Variants in SEZ6L observed in about 807,000 individuals in gnomAD.
SEZ6L encodes the protein seizure 6-like protein.
SEZ6L carries 37 observed loss-of-function variants against 106.2 expected under a neutral mutation model. The observed-to-expected ratio is 0.35, with a 90% CI of 0.27 to 0.46. The LOEUF (loss-of-function observed/expected upper bound fraction) is 0.46. Among genes scored for constraint, SEZ6L ranks in the 20% least tolerant of loss-of-function variants. The pLI is 1.00. For synonymous variants in SEZ6L, 541 were observed against 570.4 expected (o/e 0.95, Z 0.73); for missense variants, 1,172 against 1,332.8 (o/e 0.88, Z 1.88).
intron 1 of SEZ6L, among the ~76,000 whole-genome samples, chr22:26,180,532 C>A (rs1316547928): frequency 6.6e-6 from 1 of 152,116 alleles, no homozygotes; most frequent in African/African-American, 2.4e-5. Flanking sequence ...ACATAGAACA[C>A]AAAAGTCTTT....
chr22:26,301,840 A>G (rs180875009), intron 5 of SEZ6L, among the ~76,000 whole-genome samples: 27 of 152,326 alleles, frequency 1.8e-4, no homozygotes, highest in African/African-American at 6.3e-4. Flanking sequence ...AAATAAGATC[A>G]ATCTGACTAA....
chr22:26,250,643 G>A (rs995027437), intron 1 of SEZ6L, among the ~76,000 whole-genome samples: 41 of 152,192 alleles, frequency 2.7e-4, no homozygotes, highest in African/African-American at 9.4e-4. Flanking sequence ...TTGGCTATTC[G>A]GGATCTTTTG....
At chr22:26,188,885 A>T (rs777966859) in intron 1 of SEZ6L, among the ~76,000 whole-genome samples, 1 of 152,240 alleles carries the variant, frequency 6.6e-6, no homozygotes, top group Non-Finnish European at 1.5e-5. Flanking sequence ...AGCAGTAGTC[A>T]TAATGATGAT....
At chr22:26,352,788 G>A (rs1046939540) in intron 12 of SEZ6L, among the ~76,000 whole-genome samples, 8 of 152,218 alleles carry the variant, frequency 5.3e-5, no homozygotes, top group Non-Finnish European at 1.2e-4. Context: ...AAATGGAGAT[G>A]TCTGTTGCCT....
chr22:26,378,729 G>A (rs1201761058), intron 16 of SEZ6L, among the ~76,000 whole-genome samples: 1 of 152,136 alleles, frequency 6.6e-6, no homozygotes, highest in Non-Finnish European at 1.5e-5. Context: ...GCACATGCGA[G>A]GAAGCAAAAG....
chr22:26,324,184 A>G (rs1487732004), intron 9 of SEZ6L, among the ~76,000 whole-genome samples: 1 of 152,062 alleles, frequency 6.6e-6, no homozygotes, highest in African/African-American at 2.4e-5. Context: ...GAAGAAACTG[A>G]GGCTCAAAGT....
intron 6 of SEZ6L, among the ~76,000 whole-genome samples, chr22:26,308,668 A>G (rs1000394692): frequency 4.1e-4 from 19 of 45,946 alleles, no homozygotes; most frequent in African/African-American, 2.1e-3. Flanking sequence ...TCCTGCAGGG[A>G]AAAAAAAGTT....
intron 1 of SEZ6L, among the ~76,000 whole-genome samples, chr22:26,276,527 C>T (rs890393455): frequency 2.6e-5 from 4 of 152,238 alleles, no homozygotes; most frequent in Non-Finnish European, 5.9e-5. Context: ...AAACTGGATT[C>T]ATTTCCAAGT....
At chr22:26,365,711 CA>C (rs767584458) in intron 13 of SEZ6L, 145 bp downstream of exon 13, 82,013 of 468,220 alleles carry the variant, frequency 0.18, no homozygotes, top group South Asian at 0.24. Flanking sequence ...CCATCTCTAC[CA>C]AAAAAAAAAA....
intron 1 of SEZ6L, among the ~76,000 whole-genome samples, chr22:26,284,046 CTG>C (rs2080854614): frequency 6.6e-6 from 1 of 152,168 alleles, no homozygotes; most frequent in African/African-American, 2.4e-5. Context: ...TGGCAGGCTG[CTG>C]TGTGAGCTCT....
intron 1 of SEZ6L, among the ~76,000 whole-genome samples, chr22:26,236,333 G>A (rs527571270): frequency 3.9e-5 from 6 of 152,256 alleles, no homozygotes; most frequent in African/African-American, 1.2e-4. Context: ...GAGAACTTGG[G>A]TATTATTGAA....
intron 1 of SEZ6L, among the ~76,000 whole-genome samples, chr22:26,220,426 G>C (rs1259833560): frequency 1.3e-5 from 2 of 152,192 alleles, no homozygotes; most frequent in Admixed American, 6.5e-5. Context: ...AGGCAGAGCA[G>C]CTGTTGTGTC....
chr22:26,345,139 C>T (rs1392769535), intron 10 of SEZ6L, among the ~76,000 whole-genome samples: 1 of 152,030 alleles, frequency 6.6e-6, no homozygotes, highest in Non-Finnish European at 1.5e-5. Context: ...AACAAGGGCC[C>T]ATGGGGACGG....
At chr22:26,292,190 G>A (rs2081146738) in intron 1 of SEZ6L, 1 of 496,568 alleles carries the variant, frequency 2.0e-6, no homozygotes, top group Middle Eastern at 4.9e-4. Flanking sequence ...GAAGGAGGGA[G>A]GGTGGGAGGA....
At chr22:26,355,029 G>A (rs1035252249) in intron 12 of SEZ6L, among the ~76,000 whole-genome samples, 2 of 152,248 alleles carry the variant, frequency 1.3e-5, no homozygotes, top group Non-Finnish European at 2.9e-5. Flanking sequence ...GAGTAAGAGG[G>A]AGGATGCAGT....
chr22:26,348,646 A>AAGAAAGAAAGAAAGAAAAAG (rs1556371589), intron 11 of SEZ6L, among the ~76,000 whole-genome samples: 2 of 7,694 alleles, frequency 2.6e-4, no homozygotes, highest in Admixed American at 2.3e-3. Flanking sequence ...GAAAGAAAGA[A>AAGAAAGAAAGAAAGAAAAAG]AAAGAAAGAA....
intron 1 of SEZ6L, among the ~76,000 whole-genome samples, chr22:26,252,322 C>A (rs1369819392): frequency 6.6e-6 from 1 of 152,238 alleles, no homozygotes; most frequent in Non-Finnish European, 1.5e-5. Flanking sequence ...AGTTCAGACT[C>A]TACCAAAGAT....
chr22:26,338,706 T>A (rs1181674397), intron 9 of SEZ6L, among the ~76,000 whole-genome samples: 7 of 152,072 alleles, frequency 4.6e-5, no homozygotes, highest in Non-Finnish European at 1.0e-4. Flanking sequence ...ACTACAGGCA[T>A]CTGCCACCAC....
chr22:26,252,040 G>T (rs529203013), intron 1 of SEZ6L, among the ~76,000 whole-genome samples: 13 of 152,276 alleles, frequency 8.5e-5, no homozygotes, highest in African/African-American at 2.2e-4. Flanking sequence ...GGCGGCAGCA[G>T]CAGCATCAGC....
Sources: allele counts gnomAD v4.1 joint callset (sites outside exome capture counted in the v4.1 genomes callset), GRCh38; gene constraint gnomAD v4.1.1; transcripts MANE v1.5; gene names NCBI Gene and HGNC (gene_info 2026-07-23, HGNC 2026-07-21).